Variants in CENPE observed in about 807,000 individuals in gnomAD.
CENPE encodes centromere protein E.
A neutral mutation model predicts 336.1 loss-of-function variants in CENPE; 145 were observed. The observed-to-expected ratio is 0.43, with a 90% CI of 0.38 to 0.50. The LOEUF is 0.50. Among genes scored for constraint, CENPE ranks in the 20% least tolerant of loss-of-function variants. The pLI is 0.00. For missense variants in CENPE, 2,719 were observed against 3,023.3 expected (o/e 0.90, Z 2.36); for synonymous variants, 1,013 against 984.8 (o/e 1.03, Z -0.54).
rs2615542 is a variant in CENPE, at chr4:103,145,304, A to G, written c.4603T>C (p.Phe1535Leu). 297,981 of 1,577,110 alleles carry G rather than the reference A, an allele frequency of 0.19. 29,938 individuals are homozygous for G. Among genetic ancestry groups the G allele is most frequent in the Non-Finnish European group, 0.2 (230,134 of 1,152,910 alleles). ...ACCTCACTAATTTGTTTTATATTAA[A>G]TTGTTCCTCTTTCTCATAAATCTCT... is the stretch of plus-strand genomic sequence containing the variant. ...IQEIYEKEEQ[F>L]NIKQISEVQE... The change falls in exon 32 of 49, where the codon TTT becomes CTT. Residue 1535 changes from phenylalanine (F) to leucine (L), a missense_variant. Phe to Leu is a conservative substitution (Grantham distance 22, BLOSUM62 0). Around this residue, in one of 5 missense-constraint regions of CENPE, gnomAD observed 2,437 missense variants for 2,513.3 expected, o/e 0.97. Transcript: ENST00000265148.
chr4:103,127,120 A>C (rs1303692213), intron 42 of CENPE, among the ~76,000 whole-genome samples: 1 of 151,148 alleles, frequency 6.6e-6, no homozygotes, highest in African/African-American at 2.4e-5. Context: ...AAACCAAAAA[A>C]ACCCCCGAAA....
At chr4:103,165,965 G>C (rs916437101) in intron 16 of CENPE, among the ~76,000 whole-genome samples, 2 of 151,580 alleles carry the variant, frequency 1.3e-5, no homozygotes, top group Non-Finnish European at 2.9e-5. Context: ...TAAAATGGGA[G>C]AAAAACTGCA....
chr4:103,185,706 T>C (rs1756709989), intron 9 of CENPE, 104 bp downstream of exon 9: 1 of 584,114 alleles, frequency 1.7e-6, no homozygotes, highest in South Asian at 2.9e-5. Flanking sequence ...TTATTAATAA[T>C]GAATATAATT....
rs1007820809 is a variant in CENPE, at chr4:103,110,775, C to T, written c.7724+53G>A. ...AATACGTGCATATACCATGTCCCTA[C>T]ATATATGTAATAGCCGTAAGCATAA... is the stretch of plus-strand genomic sequence containing the variant. On this transcript the variant is annotated intron_variant, in intron 47 of 48. Transcript: ENST00000265148. The T allele has an allele frequency of 1.3e-5, 18 of 1,391,408 alleles. No homozygotes were observed. The African/African-American group carries it at 2.5e-4, about 19-fold the overall frequency. The allele number at this position is 1,391,408 out of a possible 1,614,324, so 86.2% of individuals were successfully genotyped here. A position where few individuals can be genotyped will look rare whatever the true frequency, so the allele number is the denominator to read the frequency against.
chr4:103,106,883 C>A (rs930494595), intron 48 of CENPE, among the ~76,000 whole-genome samples: 5 of 151,814 alleles, frequency 3.3e-5, no homozygotes, highest in African/African-American at 1.2e-4. Context: ...TTTTTAAAGA[C>A]TGGTATTAAT....
chr4:103,147,315 A>G (rs779196330), intron 29 of CENPE, 41 bp downstream of exon 29: 8 of 1,511,326 alleles, frequency 5.3e-6, no homozygotes, highest in Middle Eastern at 2.5e-4. Context: ...CTTGATTCTT[A>G]TAAGACACTT....
chr4:103,128,368 G>C (rs1751313600), intron 42 of CENPE, among the ~76,000 whole-genome samples: 1 of 152,174 alleles, frequency 6.6e-6, no homozygotes, highest in Non-Finnish European at 1.5e-5. Context: ...CCACCAGGCA[G>C]AAAAATCAGG....
At position 103,122,968 on chromosome 4, in the gene CENPE, A is replaced by C; in HGVS notation, c.7046T>G (p.Leu2349Trp). The change falls in exon 43 of 49, where the codon TTG becomes TGG. Residue 2349 changes from leucine (L) to tryptophan (W), a missense_variant. Physicochemically the swap from Leu to Trp is moderately conservative, Grantham distance 61 (BLOSUM62 -2). This residue lies in a region of CENPE where 2,437 missense variants were observed against 2,513.3 expected (regional missense o/e 0.97). Coordinates refer to ENST00000265148, the MANE Select transcript of CENPE (RefSeq NM_001813.3). ...NEKLFKNYQTLKTSLASGAQV... is the reference protein window; with the variant it reads ...NEKLFKNYQTWKTSLASGAQV... ...GGCACCAGATGCCAAGGAAGTCTTC[A>C]ATGTTTGGTAGTTTTTAAATAGTTT... 1 of 1,613,940 alleles carries C rather than the reference A, an allele frequency of 6.2e-7. No individual in the cohort carries two copies. The highest frequency in any genetic ancestry group is 8.5e-7 in the Non-Finnish European group (1 of 1,179,850).
At chr4:103,164,680 T>A (rs1213765040) in intron 16 of CENPE, among the ~76,000 whole-genome samples, 1 of 151,988 alleles carries the variant, frequency 6.6e-6, no homozygotes, top group Non-Finnish European at 1.5e-5. Flanking sequence ...CTTTAGGTAA[T>A]CAATATAAAA....
intron 42 of CENPE, among the ~76,000 whole-genome samples, chr4:103,124,993 A>C (rs1350162435): frequency 6.6e-6 from 1 of 152,198 alleles, no homozygotes; most frequent in Non-Finnish European, 1.5e-5. Context: ...CCAGTATTAC[A>C]AGAAAAACAA....
At chr4:103,114,372 A>G (rs1157267290) in intron 46 of CENPE, 83 bp downstream of exon 46, 1 of 810,220 alleles carries the variant, frequency 1.2e-6, no homozygotes, top group East Asian at 2.5e-5. Context: ...CGACTGTCAC[A>G]TACTACATAA....
At chr4:103,145,734 T>A in intron 30 of CENPE, 53 bp from the exon 31 acceptor site, 2 of 1,506,364 alleles carry the variant, frequency 1.3e-6, no homozygotes, top group East Asian at 4.7e-5. Context: ...ATAACTATTT[T>A]GTTGTAATTA....
chr4:103,116,548 A>G lies in CENPE; in HGVS notation c.7442+29T>C, dbSNP rs188562682. ...TTAGGAAGAAAATTTAAGCTATTAA[A>G]ATCACATTAAATTAAGACAAATACG... On this transcript the variant is annotated intron_variant, in intron 45 of 48. Coordinates refer to ENST00000265148, the MANE Select transcript of CENPE (RefSeq NM_001813.3). 4.4e-6 allele frequency: 5 copies of G among 1,128,656 alleles called. No individual in the cohort carries two copies. The African/African-American group carries it at 4.7e-5, about 11-fold the overall frequency. The allele number at this position is 1,128,656 out of a possible 1,614,324, so 69.9% of individuals were successfully genotyped here.
At position 103,175,975 on chromosome 4, in the gene CENPE, T is replaced by G; in HGVS notation, c.1464A>C (p.Thr488=). 5 of 1,598,006 alleles carry G rather than the reference T, an allele frequency of 3.1e-6. No homozygotes were observed. Among genetic ancestry groups the G allele is most frequent in the Non-Finnish European group, 4.3e-6 (5 of 1,168,612 alleles). ...ATTAAGTTACCTGATTTAGTAGCTTTGTTGCTGGATTCCATTCTATCTCAC... is the reference window on the plus strand; with the variant it reads ...ATTAAGTTACCTGATTTAGTAGCTTGGTTGCTGGATTCCATTCTATCTCAC... The part of the protein sequence containing the change: ...TLSEIEWNPA[T]KLLNQENIES... The change falls in exon 15 of 49, where the codon ACA becomes ACC. Residue 488 remains threonine, a synonymous_variant. Coordinates refer to ENST00000265148, the MANE Select transcript of CENPE (RefSeq NM_001813.3).
At position 103,110,817 on chromosome 4, in the gene CENPE, G is replaced by A; in HGVS notation, c.7724+11C>T. ...TAAGCATAATATCCGTATCATGTAAGCAGATCTTACCTTAACAATTCATTC... is the reference window on the plus strand; with the variant it reads ...TAAGCATAATATCCGTATCATGTAAACAGATCTTACCTTAACAATTCATTC... On this transcript the variant is annotated intron_variant, in intron 47 of 48. Coordinates refer to ENST00000265148, the MANE Select transcript of CENPE (RefSeq NM_001813.3). The A allele has an allele frequency of 6.4e-7, 1 of 1,570,090 alleles. No individual in the cohort carries two copies. The highest frequency in any genetic ancestry group is 8.6e-7 in the Non-Finnish European group (1 of 1,157,682).
At chr4:103,123,855 T>C (rs540278152) in intron 42 of CENPE, among the ~76,000 whole-genome samples, 126 of 152,322 alleles carry the variant, frequency 8.3e-4, no homozygotes, top group African/African-American at 2.8e-3. Context: ...GATTCAGGAA[T>C]ACAGAAGGTC....
At chr4:103,179,201 C>A (rs1756127142) in intron 13 of CENPE, among the ~76,000 whole-genome samples, 1 of 152,172 alleles carries the variant, frequency 6.6e-6, no homozygotes, top group African/African-American at 2.4e-5. Flanking sequence ...CCAAACATTT[C>A]TCCAATTTAT....
intron 16 of CENPE, among the ~76,000 whole-genome samples, chr4:103,172,417 A>T (rs1334408838): frequency 6.6e-6 from 1 of 151,986 alleles, no homozygotes; most frequent in Non-Finnish European, 1.5e-5. Flanking sequence ...TCATGATAAA[A>T]ACTCTTAATT....
In CENPE at chr4:103,145,094, C is replaced by T; in HGVS notation, c.4813G>A (p.Glu1605Lys). 6.3e-7 allele frequency: 1 copy of T among 1,580,562 alleles called. No homozygotes were observed. Among genetic ancestry groups the T allele is most frequent in the Middle Eastern group, 1.7e-4 (1 of 5,888 alleles). Residue 1605 changes from glutamate (E) to lysine (K), a missense_variant, in exon 32 of 49, where the codon GAG becomes AAG. Glu to Lys is a moderately conservative substitution (Grantham distance 56, BLOSUM62 1). Around this residue, in one of 5 missense-constraint regions of CENPE, gnomAD observed 2,437 missense variants for 2,513.3 expected, o/e 0.97. Coordinates refer to ENST00000265148, the MANE Select transcript of CENPE (RefSeq NM_001813.3). ...GTGTTTTCTTTCAGTTGGTCTCTCTCTATCTGAAGGGCCTCCTGTACTCTT... is the reference window on the plus strand; with the variant it reads ...GTGTTTTCTTTCAGTTGGTCTCTCTTTATCTGAAGGGCCTCCTGTACTCTT... ...MKRVQEALQI[E>K]RDQLKENTKE...
Sources: gnomAD v4.1 joint callset for allele counts (sites outside exome capture counted in the v4.1 genomes callset) on GRCh38, gnomAD v4.1.1 for gene constraint, gnomAD v4.1.1 regional missense constraint, MANE v1.5 for transcripts, NCBI Gene and HGNC (gene_info 2026-07-23, HGNC 2026-07-21) for gene names.